Variants in SLC36A1 observed in about 807,000 individuals in gnomAD.
SLC36A1 encodes the protein proton-coupled amino acid transporter 1.
Under a neutral mutation model 47.5 loss-of-function variants are expected in SLC36A1, and 30 were observed. The observed-to-expected ratio is 0.63, with a 90% CI of 0.47 to 0.86. The LOEUF is 0.86. SLC36A1 is among the 40% of genes least tolerant of loss of function. SLC36A1 has a pLI of 0.00. For synonymous variants in SLC36A1, 255 were observed against 249.7 expected, an observed-to-expected ratio of 1.02 and a Z score of -0.20; for missense variants, 517 against 606.0, an observed-to-expected ratio of 0.85 and a Z score of 1.54.
intron 3 of SLC36A1, among the ~76,000 whole-genome samples, chr5:151,464,286 T>G (rs1167537555): frequency 6.6e-6 from 1 of 152,116 alleles, no homozygotes; most frequent in African/African-American, 2.4e-5. Flanking sequence ...ATGTCCTTCT[T>G]CTCCACGTGA....
intron 1 of SLC36A1, among the ~76,000 whole-genome samples, chr5:151,439,533 G>A (rs1296255107): frequency 2.0e-5 from 3 of 151,838 alleles, no homozygotes; most frequent in Non-Finnish European, 4.4e-5. Flanking sequence ...TGTGCCTGTA[G>A]GTCCAGCTAC....
At chr5:151,390,159 A>G in the SLC36A1 span, among the ~76,000 whole-genome samples, 3 of 152,220 alleles carry the variant, frequency 2.0e-5, no homozygotes, top group African/African-American at 4.8e-5. Flanking sequence ...TCTGATGGCC[A>G]GTGATGATGA....
At chr5:151,543,828 C>T in the SLC36A1 span, 22 of 1,614,032 alleles carry the variant, frequency 1.4e-5, no homozygotes, top group African/African-American at 1.2e-4. Flanking sequence ...AAATTATTCC[C>T]GATGAGCTGT....
At chr5:151,532,225 G>C in the SLC36A1 span, among the ~76,000 whole-genome samples, 2,106 of 152,244 alleles carry the variant, frequency 0.014, 63 homozygotes, top group African/African-American at 0.048. Context: ...TATTATGTGG[G>C]GATTAGGGTC....
chr5:151,402,320 A>AGGTTGG, the SLC36A1 span, among the ~76,000 whole-genome samples: 1 of 152,084 alleles, frequency 6.6e-6, no homozygotes, highest in Non-Finnish European at 1.5e-5. Context: ...TGCTGAACCA[A>AGGTTGG]CCTTGCATCC....
the SLC36A1 span, among the ~76,000 whole-genome samples, chr5:151,405,793 A>G: frequency 2.6e-5 from 4 of 152,072 alleles, no homozygotes; most frequent in African/African-American, 9.7e-5. Context: ...CATTGTGTAT[A>G]GTTGATTGGC....
At chr5:151,383,803 C>CCTCA in the SLC36A1 span, among the ~76,000 whole-genome samples, 10 of 152,050 alleles carry the variant, frequency 6.6e-5, no homozygotes, top group African/African-American at 2.2e-4. Context: ...AAACTCCTGA[C>CCTCA]CTCAGGTGAT....
the SLC36A1 span, among the ~76,000 whole-genome samples, chr5:151,400,715 G>A: frequency 1.4e-4 from 21 of 151,704 alleles, no homozygotes; most frequent in Non-Finnish European, 1.5e-4. Flanking sequence ...TATAATAGCC[G>A]TTCTGACTGG....
the SLC36A1 span, among the ~76,000 whole-genome samples, chr5:151,353,450 G>A: frequency 6.6e-6 from 1 of 152,140 alleles, no homozygotes; most frequent in Admixed American, 6.5e-5. Flanking sequence ...GCAAAATTGA[G>A]CCAAAGGAGC....
At chr5:151,521,695 A>T in the SLC36A1 span, 1 of 1,613,994 alleles carries the variant, frequency 6.2e-7, no homozygotes, top group Non-Finnish European at 8.5e-7. Context: ...GTAGAAGCCC[A>T]TCCACATGGC....
chr5:151,509,907 A>G, the SLC36A1 span: 1 of 1,261,790 alleles, frequency 7.9e-7, no homozygotes, highest in Non-Finnish European at 1.1e-6. Context: ...AAGGCCTAGA[A>G]GCCAGGTCCC....
the SLC36A1 span, chr5:151,532,120 C>T: frequency 9.9e-7 from 1 of 1,012,232 alleles, no homozygotes; most frequent in Non-Finnish European, 1.4e-6. Flanking sequence ...AGGGTCTCTC[C>T]AGCGGGGTGT....
chr5:151,537,372 AAAC>A, the SLC36A1 span, among the ~76,000 whole-genome samples: 4 of 151,228 alleles, frequency 2.6e-5, no homozygotes, highest in African/African-American at 7.3e-5. Context: ...GGAAGGAAAG[AAAC>A]AACGAACAAC....
the SLC36A1 span, chr5:151,381,268 C>T: frequency 3.9e-6 from 1 of 254,072 alleles, no homozygotes. Flanking sequence ...TGCCAGCCTT[C>T]TCCTCAGCCC....
the SLC36A1 span, among the ~76,000 whole-genome samples, chr5:151,549,125 C>T: frequency 6.6e-6 from 1 of 152,090 alleles, no homozygotes; most frequent in African/African-American, 2.4e-5. Flanking sequence ...TTATTACTAC[C>T]TTTGGAAGTG....
chr5:151,388,217 C>G, the SLC36A1 span, among the ~76,000 whole-genome samples: 26,556 of 151,972 alleles, frequency 0.17, 2,561 homozygotes, highest in East Asian at 0.41. Context: ...ATGATAAGAA[C>G]CTTGGTCTTG....
chr5:151,523,814 T>C, the SLC36A1 span, among the ~76,000 whole-genome samples: 102,445 of 151,934 alleles, frequency 0.67, 34,942 homozygotes, highest in East Asian at 0.92. Context: ...TGGGAAATAA[T>C]GTGCAAAACA....
At chr5:151,535,819 T>C in the SLC36A1 span, among the ~76,000 whole-genome samples, 1 of 152,098 alleles carries the variant, frequency 6.6e-6, no homozygotes, top group Non-Finnish European at 1.5e-5. Flanking sequence ...GGAATTGAAT[T>C]AGAGGACACC....
At chr5:151,551,334 A>G in the SLC36A1 span, 1 of 928,944 alleles carries the variant, frequency 1.1e-6, no homozygotes, top group East Asian at 2.4e-5. Context: ...AGTGTATTAG[A>G]CAAGAACTTT....
Sources: gnomAD v4.1 joint callset for allele counts (sites outside exome capture counted in the v4.1 genomes callset) on GRCh38, gnomAD v4.1.1 for gene constraint, MANE v1.5 for transcripts, NCBI Gene and HGNC (gene_info 2026-07-23, HGNC 2026-07-21) for gene names.